OSBP2: variants seen among roughly 807,000 people sequenced by gnomAD.
The protein encoded by OSBP2 is oxysterol-binding protein 2.
In OSBP2, 66 loss-of-function variants were observed where a neutral mutation model predicts 96.0. The observed-to-expected ratio is 0.69, with a 90% CI of 0.56 to 0.84. The LOEUF (loss-of-function observed/expected upper bound fraction) is 0.84, where lower values mean the gene tolerates loss of function less well. Among genes scored for constraint, OSBP2 ranks in the 40% least tolerant of loss-of-function variants. The pLI, the probability that OSBP2 is intolerant of heterozygous loss-of-function variation, is 0.00. For missense variants in OSBP2, 1,038 were observed against 1,222.7 expected (o/e 0.85, Z 2.25); for synonymous variants, 525 against 520.9 (o/e 1.01, Z -0.11).
chr22:30,832,204 A>C (rs911286615), intron 2 of OSBP2, among the ~76,000 whole-genome samples: 4 of 152,022 alleles, frequency 2.6e-5, no homozygotes, highest in African/African-American at 4.8e-5. Context: ...CAAGATTCAC[A>C]CTGAAGTCCT....
At chr22:30,851,257 A>G (rs1026500604) in intron 2 of OSBP2, among the ~76,000 whole-genome samples, 5 of 150,940 alleles carry the variant, frequency 3.3e-5, no homozygotes, top group African/African-American at 7.3e-5. Context: ...TTTAGTAGAG[A>G]TGGGGTTTTA....
At chr22:30,902,365 C>T (rs1478443083) in intron 12 of OSBP2, 48 of 1,577,996 alleles carry the variant, frequency 3.0e-5, no homozygotes, top group East Asian at 4.5e-5. Context: ...ATATAGAATT[C>T]GATGAAGTGG....
chr22:30,765,895 C>A (rs560204678), intron 2 of OSBP2, among the ~76,000 whole-genome samples: 1 of 152,168 alleles, frequency 6.6e-6, no homozygotes, highest in Non-Finnish European at 1.5e-5. Context: ...ATGGTTCTCA[C>A]CCCAACTGAG....
Position 30,893,258 on chromosome 22 carries a change from G to T in OSBP2, c.1990+16G>T. The T allele has an allele frequency of 6.2e-7, 1 of 1,614,008 alleles. No individual in the cohort carries two copies. The highest frequency in any genetic ancestry group is 8.5e-7 in the Non-Finnish European group (1 of 1,179,952). On this transcript the variant is annotated intron_variant, in intron 9 of 13. Coordinates refer to ENST00000332585, the MANE Select transcript of OSBP2 (RefSeq NM_030758.4). ...ATGCCGCTAGGTGAGCTGGGGCCCG[G>T]TGCCTTCCTGGGACACAGAGACATT... is the stretch of plus-strand genomic sequence containing the variant.
intron 2 of OSBP2, among the ~76,000 whole-genome samples, chr22:30,742,592 C>G (rs1196847684): frequency 1.3e-5 from 2 of 152,124 alleles, no homozygotes; most frequent in Admixed American, 1.3e-4. Flanking sequence ...TTCAAAATAA[C>G]TGCATTCACT....
At position 30,841,285 on chromosome 22, in the gene OSBP2, GAAAT is replaced by G. The variant is rs751837005; in HGVS notation, c.854-29139_854-29136del. Among the ~76,000 whole-genome samples the G allele has an allele frequency of 1.5e-4, 23 of 152,282 alleles. No individual in the cohort carries two copies. In the East Asian group the frequency reaches 2.1e-3, roughly 14 times the overall value. On this transcript the variant is annotated intron_variant, in intron 2 of 13. Transcript: ENST00000332585. ...ATTTTAGAACATTTTTATCCCTCCTGAAATAAATCTTATACCTGTTAGCAGTCAA... is the reference window on the plus strand; with the variant it reads ...ATTTTAGAACATTTTTATCCCTCCTGAAATCTTATACCTGTTAGCAGTCAA...
intron 2 of OSBP2, among the ~76,000 whole-genome samples, chr22:30,862,978 A>G (rs1384882629): frequency 6.6e-6 from 1 of 151,172 alleles, no homozygotes; most frequent in African/African-American, 2.4e-5. Context: ...AAAAAAAAAG[A>G]AAAAAAGAAA....
rs1336185717 is a variant in OSBP2, at chr22:30,823,619, A to G, written c.854-46810A>G. Among the ~76,000 whole-genome samples the G allele has an allele frequency of 2.0e-5, 3 of 152,242 alleles. No individual in the cohort carries two copies. The East Asian group carries it at 5.8e-4, about 29-fold the overall frequency. On this transcript the variant is annotated intron_variant, in intron 2 of 13. Coordinates refer to ENST00000332585, the MANE Select transcript of OSBP2 (RefSeq NM_030758.4). ...GCTTCATAAGACCTTGGTCCATTCC[A>G]GAGGACTTCGAAGTTGCAGGCTGCA... is the stretch of plus-strand genomic sequence containing the variant.
At chr22:30,877,103 G>T (rs2039599662) in intron 3 of OSBP2, among the ~76,000 whole-genome samples, 1 of 152,038 alleles carries the variant, frequency 6.6e-6, no homozygotes, top group Non-Finnish European at 1.5e-5. Context: ...TAGCCCTGTA[G>T]CCTCTATGCC....
At chr22:30,827,634 CA>C (rs1349725085) in intron 2 of OSBP2, among the ~76,000 whole-genome samples, 1 of 152,144 alleles carries the variant, frequency 6.6e-6, no homozygotes, top group African/African-American at 2.4e-5. Context: ...GCACAGAGGC[CA>C]GGAAGAACGG....
Position 30,739,754 on chromosome 22 carries a change from G to C in OSBP2, c.645-1407G>C, listed in dbSNP as rs181324517. ...AGAAAGAGTAATTCACACAGAGTCT[G>C]CTGTGCGGGAGATGGGAGTTTTATT... On this transcript the variant is annotated intron_variant, in intron 1 of 13. Coordinates refer to ENST00000332585, the MANE Select transcript of OSBP2 (RefSeq NM_030758.4). 4.0e-3 allele frequency among the ~76,000 whole-genome samples: 615 copies of C among 152,284 alleles called. 2 individuals carry two copies. The highest frequency in any genetic ancestry group is 7.3e-3 in the Non-Finnish European group (498 of 68,024).
chr22:30,762,270 C>T (rs1451146338), intron 2 of OSBP2, among the ~76,000 whole-genome samples: 1 of 150,028 alleles, frequency 6.7e-6, no homozygotes, highest in Non-Finnish European at 1.5e-5. Context: ...CAATTTTGGG[C>T]CGGGCGCGGT....
chr22:30,750,984 A>G (rs1016714573), intron 2 of OSBP2, among the ~76,000 whole-genome samples: 4 of 152,042 alleles, frequency 2.6e-5, no homozygotes, highest in African/African-American at 9.7e-5. Context: ...CAGGTGATCC[A>G]CTCATCTCAG....
intron 1 of OSBP2, among the ~76,000 whole-genome samples, chr22:30,699,966 C>CTT (rs1015256785): frequency 2.1e-5 from 3 of 141,082 alleles, no homozygotes; most frequent in Admixed American, 7.2e-5. Flanking sequence ...TTCTTTTTTT[C>CTT]TTTTTTTTTT....
intron 2 of OSBP2, among the ~76,000 whole-genome samples, chr22:30,809,901 G>A (rs372797675): frequency 4.7e-4 from 72 of 152,296 alleles, no homozygotes; most frequent in African/African-American, 1.7e-3. Context: ...GAAACTGCAG[G>A]AGCTGACCCT....
intron 2 of OSBP2, among the ~76,000 whole-genome samples, chr22:30,784,442 A>G (rs8140257): frequency 6.6e-6 from 1 of 151,570 alleles, no homozygotes; most frequent in African/African-American, 2.4e-5. Context: ...AAATTTTTTT[A>G]AAGACGAGGT....
chr22:30,738,210 G>C (rs1333449908), intron 1 of OSBP2, among the ~76,000 whole-genome samples: 1 of 151,810 alleles, frequency 6.6e-6, no homozygotes, highest in African/African-American at 2.4e-5. Context: ...TGGAAGCTGA[G>C]AACTGCCCCT....
intron 12 of OSBP2, chr22:30,902,543 T>G: frequency 7.6e-7 from 1 of 1,315,362 alleles, no homozygotes; most frequent in Non-Finnish European, 1.1e-6. Context: ...GGGGAGGTAG[T>G]CACCCAGGTG....
At position 30,881,770 on chromosome 22, in the gene OSBP2, G is replaced by A; in HGVS notation, c.1108-5656G>A. 3 of 1,304,226 alleles carry A rather than the reference G, an allele frequency of 2.3e-6. No individual in the cohort carries two copies. Among genetic ancestry groups the A allele is most frequent in the Non-Finnish European group, 3.0e-6 (3 of 988,932 alleles). 80.8% of individuals were successfully genotyped at this position (1,304,226 alleles called of 1,614,324 possible). A position where few individuals can be genotyped will look rare whatever the true frequency, so the allele number is the denominator to read the frequency against. Reference sequence around the variant, plus strand: ...GGCCTGGAGAAGGCCGGCAGCAGCAGAGGAGACCCTGGGAGTCAGGGATGG... The same window carrying A: ...GGCCTGGAGAAGGCCGGCAGCAGCAAAGGAGACCCTGGGAGTCAGGGATGG... On this transcript the variant is annotated intron_variant, in intron 3 of 13. Transcript: ENST00000332585. This position sits in a 1 kb window ranked among gnomAD's most constrained non-coding sequence, Gnocchi z 4.5.
Sources: allele counts gnomAD v4.1 joint callset (sites outside exome capture counted in the v4.1 genomes callset), GRCh38; gene constraint gnomAD v4.1.1; non-coding constraint Gnocchi (gnomAD v3.1); transcripts MANE v1.5; gene names NCBI Gene and HGNC (gene_info 2026-07-23, HGNC 2026-07-21).